SYT9: variants seen among roughly 807,000 people sequenced by gnomAD.
SYT9 encodes synaptotagmin 9, also known as synaptotagmin-9.
SYT9 carries 22 observed loss-of-function variants against 48.4 expected under a neutral mutation model. That is an observed-to-expected ratio of 0.45 (90% CI 0.32 to 0.65). SYT9 has a LOEUF of 0.65. SYT9 is among the 30% of genes least tolerant of loss of function. The pLI is 0.03. For synonymous variants in SYT9, 265 were observed against 245.0 expected, an observed-to-expected ratio of 1.08 and a Z score of -0.76; for missense variants, 577 against 622.0, an observed-to-expected ratio of 0.93 and a Z score of 0.77.
chr11:7,382,113 C>G (rs1850576414), intron 3 of SYT9, among the ~76,000 whole-genome samples: 1 of 152,172 alleles, frequency 6.6e-6, no homozygotes, highest in African/African-American at 2.4e-5. Context: ...TGTAAACAAG[C>G]AACTGAGGCT....
At chr11:7,424,759 G>A (rs1323513143) in intron 6 of SYT9, among the ~76,000 whole-genome samples, 1 of 152,184 alleles carries the variant, frequency 6.6e-6, no homozygotes, top group Non-Finnish European at 1.5e-5. Flanking sequence ...CTCAAGGCGT[G>A]CCCCATTTTG....
At chr11:7,372,612 T>C (rs964473921) in intron 3 of SYT9, among the ~76,000 whole-genome samples, 2 of 152,174 alleles carry the variant, frequency 1.3e-5, no homozygotes, top group East Asian at 3.8e-4. Flanking sequence ...CAAGCACTCC[T>C]TTTTTCCCCA....
At chr11:7,271,988 T>A (rs1406873919) in intron 1 of SYT9, among the ~76,000 whole-genome samples, 1 of 152,196 alleles carries the variant, frequency 6.6e-6, no homozygotes, top group Non-Finnish European at 1.5e-5. Flanking sequence ...TCTTAGAGTC[T>A]TTTACCATTG....
intron 3 of SYT9, among the ~76,000 whole-genome samples, chr11:7,320,419 T>C (rs1472721214): frequency 2.6e-5 from 4 of 152,238 alleles, no homozygotes; most frequent in African/African-American, 9.6e-5. Context: ...CATGACACTC[T>C]GTATTTCTAT....
intron 6 of SYT9, among the ~76,000 whole-genome samples, 199 bp downstream of exon 6, chr11:7,420,834 G>T (rs1311547938): frequency 6.6e-6 from 1 of 152,162 alleles, no homozygotes; most frequent in East Asian, 1.9e-4. Flanking sequence ...TAGGTTTTGA[G>T]TATTGATCAG....
At chr11:7,287,699 G>A (rs936130544) in intron 1 of SYT9, among the ~76,000 whole-genome samples, 13 of 152,078 alleles carry the variant, frequency 8.5e-5, no homozygotes, top group Admixed American at 2.6e-4. Flanking sequence ...TGGCTATTGC[G>A]TCTTCCTCTT....
At chr11:7,424,595 T>A (rs1373153309) in intron 6 of SYT9, among the ~76,000 whole-genome samples, 1 of 152,180 alleles carries the variant, frequency 6.6e-6, no homozygotes, top group African/African-American at 2.4e-5. Flanking sequence ...AGTACTAATC[T>A]TGGTTTGGTG....
chr11:7,431,435 A>C (rs57151135), intron 6 of SYT9, among the ~76,000 whole-genome samples: 4,614 of 152,324 alleles, frequency 0.03, 207 homozygotes, highest in African/African-American at 0.1. Context: ...TTTGCAGCCT[A>C]CCGTGTGGCA....
At chr11:7,371,546 A>G (rs1419636589) in intron 3 of SYT9, among the ~76,000 whole-genome samples, 1 of 152,174 alleles carries the variant, frequency 6.6e-6, no homozygotes, top group Non-Finnish European at 1.5e-5. Flanking sequence ...AATAAAATGC[A>G]TACATCTTAA....
intron 6 of SYT9, among the ~76,000 whole-genome samples, chr11:7,452,998 TC>T (rs1848084947): frequency 6.6e-6 from 1 of 151,996 alleles, no homozygotes; most frequent in Admixed American, 6.5e-5. Context: ...GTCAGGCTGC[TC>T]CCGAACTCCC....
chr11:7,265,755 T>C (rs1488445638), intron 1 of SYT9, among the ~76,000 whole-genome samples: 1 of 152,048 alleles, frequency 6.6e-6, no homozygotes, highest in Non-Finnish European at 1.5e-5. Context: ...ATAAATTCTG[T>C]AGAAAATTTA....
rs528349063 is a variant in SYT9, at chr11:7,393,180, T to C, written c.1045-22862T>C. 5.9e-5 allele frequency among the ~76,000 whole-genome samples: 9 copies of C among 152,250 alleles called. No individual in the cohort carries two copies. In the South Asian group the frequency reaches 1.7e-3, roughly 28 times the overall value. ...GTAGGCATCCTTATCTTGTTCCAGT[T>C]CTTAAGGGGAATGCTACCAGCTTTT... On this transcript the variant is annotated intron_variant, in intron 3 of 6. Coordinates refer to ENST00000318881, the MANE Select transcript of SYT9 (RefSeq NM_175733.4).
chr11:7,376,846 G>A (rs1430903257), intron 3 of SYT9, among the ~76,000 whole-genome samples: 2 of 151,834 alleles, frequency 1.3e-5, no homozygotes, highest in African/African-American at 2.4e-5. Flanking sequence ...GTATCTTCCA[G>A]ACTGATTTTT....
At chr11:7,449,321 TCAAAAAA>T (rs1847997039) in intron 6 of SYT9, among the ~76,000 whole-genome samples, 1 of 39,004 alleles carries the variant, frequency 2.6e-5, no homozygotes, top group East Asian at 8.5e-4. Flanking sequence ...AGACTCCACC[TCAAAAAA>T]AAAAAAAAAA....
At chr11:7,277,988 G>A (rs1249215984) in intron 1 of SYT9, among the ~76,000 whole-genome samples, 1 of 152,172 alleles carries the variant, frequency 6.6e-6, no homozygotes, top group Non-Finnish European at 1.5e-5. Flanking sequence ...TAAAGAAAAG[G>A]AATTTATTTT....
intron 3 of SYT9, among the ~76,000 whole-genome samples, chr11:7,405,420 A>C (rs1341834537): frequency 1.5e-4 from 23 of 152,182 alleles, no homozygotes; most frequent in Admixed American, 1.5e-3. Flanking sequence ...AATGTTTACA[A>C]ACATCAAGAG....
At chr11:7,253,916 C>T (rs1847917990) in intron 1 of SYT9, among the ~76,000 whole-genome samples, 1 of 152,220 alleles carries the variant, frequency 6.6e-6, no homozygotes, top group South Asian at 2.1e-4. Context: ...ATCTCACTTC[C>T]TTGCCTGTGA....
At chr11:7,433,362 C>T (rs1189996728) in intron 6 of SYT9, among the ~76,000 whole-genome samples, 1 of 152,132 alleles carries the variant, frequency 6.6e-6, no homozygotes, top group Admixed American at 6.5e-5. Context: ...AAAGTAAATA[C>T]CATCCAAAGG....
At chr11:7,461,181 C>A (rs1848229217) in intron 6 of SYT9, 2 of 151,950 alleles carry the variant, frequency 1.3e-5, no homozygotes, top group Admixed American at 1.3e-4. Context: ...TTTGTTATAA[C>A]TTTTATCATT....
Sources: allele counts gnomAD v4.1 joint callset (sites outside exome capture counted in the v4.1 genomes callset), GRCh38; gene constraint gnomAD v4.1.1; transcripts MANE v1.5; gene names NCBI Gene and HGNC (gene_info 2026-07-23, HGNC 2026-07-21).